GALNTL6: variants seen among roughly 807,000 people sequenced by gnomAD.
GALNTL6 encodes polypeptide N-acetylgalactosaminyltransferase like 6.
Under a neutral mutation model 73.7 loss-of-function variants are expected in GALNTL6, and 46 were observed. The ratio of observed to expected loss-of-function variants is 0.62; its 90% CI spans 0.49 to 0.80. GALNTL6 has a LOEUF of 0.80. GALNTL6 is among the 30% of genes least tolerant of loss of function. The pLI is 0.00. For synonymous variants in GALNTL6, 259 were observed against 263.7 expected (o/e 0.98, Z 0.17); for missense variants, 604 against 755.0 (o/e 0.80, Z 2.34).
intron 5 of GALNTL6, among the ~76,000 whole-genome samples, chr4:172,553,570 T>C (rs1022256941): frequency 3.3e-5 from 5 of 152,184 alleles, no homozygotes; most frequent in African/African-American, 1.2e-4. Context: ...CTGTTAGTAA[T>C]ATCATGTTCA....
chr4:172,304,696 A>AAGG (rs575865149), intron 3 of GALNTL6, among the ~76,000 whole-genome samples: 21 of 152,174 alleles, frequency 1.4e-4, no homozygotes, highest in Non-Finnish European at 2.9e-4. Flanking sequence ...CCCGGACATA[A>AAGG]ACCTACTTTA....
chr4:171,983,963 T>C (rs1232960186), intron 2 of GALNTL6, among the ~76,000 whole-genome samples: 1 of 152,138 alleles, frequency 6.6e-6, no homozygotes, highest in Non-Finnish European at 1.5e-5. Flanking sequence ...TCAGCACACA[T>C]ACTGGGAGGG....
intron 3 of GALNTL6, among the ~76,000 whole-genome samples, chr4:172,264,449 G>T (rs1738363338): frequency 7.1e-6 from 1 of 140,830 alleles, no homozygotes; most frequent in Non-Finnish European, 1.5e-5. Context: ...TTTTAAATAA[G>T]GTTGGCATAA....
chr4:172,172,468 A>T (rs139301335), intron 2 of GALNTL6, among the ~76,000 whole-genome samples: 3,412 of 152,226 alleles, frequency 0.022, 45 homozygotes, highest in Non-Finnish European at 0.032. Flanking sequence ...AAGTGCCGGG[A>T]TTATAGGCGT....
intron 3 of GALNTL6, among the ~76,000 whole-genome samples, chr4:172,300,606 A>C (rs1739875794): frequency 6.6e-6 from 1 of 151,982 alleles, no homozygotes; most frequent in Non-Finnish European, 1.5e-5. Flanking sequence ...TCTATAAAGG[A>C]TTTTATTTCT....
intron 5 of GALNTL6, among the ~76,000 whole-genome samples, chr4:172,745,446 T>C (rs369840596): frequency 7.6e-5 from 11 of 145,316 alleles, no homozygotes; most frequent in South Asian, 2.2e-4. Flanking sequence ...TATATATATG[T>C]ACACATAACT....
chr4:172,561,252 T>G (rs1242169595), intron 5 of GALNTL6, among the ~76,000 whole-genome samples: 1 of 81,076 alleles, frequency 1.2e-5, no homozygotes, highest in Non-Finnish European at 2.2e-5. Flanking sequence ...AGAGAGAGAC[T>G]CCGTCTCAAA....
intron 5 of GALNTL6, among the ~76,000 whole-genome samples, chr4:172,413,564 G>T (rs1744518835): frequency 6.6e-6 from 1 of 152,056 alleles, no homozygotes; most frequent in Admixed American, 6.6e-5. Flanking sequence ...CTGAGATTAG[G>T]CATAGGAATT....
At chr4:172,823,837 C>T (rs1460090552) in intron 7 of GALNTL6, among the ~76,000 whole-genome samples, 1 of 152,138 alleles carries the variant, frequency 6.6e-6, no homozygotes. Flanking sequence ...AAAACCACAA[C>T]CTAGGAGATA....
chr4:172,696,787 G>A (rs146871877), intron 5 of GALNTL6, among the ~76,000 whole-genome samples: 42 of 152,186 alleles, frequency 2.8e-4, no homozygotes, highest in African/African-American at 8.4e-4. Flanking sequence ...TATTAGCAGC[G>A]TGAGAACAGA....
intron 2 of GALNTL6, among the ~76,000 whole-genome samples, chr4:172,016,868 GTC>G (rs1741213456): frequency 6.6e-6 from 1 of 152,068 alleles, no homozygotes; most frequent in Admixed American, 6.6e-5. Flanking sequence ...GTTATAGAGA[GTC>G]TTTATGTGCT....
At chr4:172,557,521 T>C (rs998287435) in intron 5 of GALNTL6, among the ~76,000 whole-genome samples, 3 of 152,112 alleles carry the variant, frequency 2.0e-5, no homozygotes, top group Admixed American at 6.5e-5. Context: ...ATCCTGAATA[T>C]ATAAAGAATT....
chr4:172,294,300 T>A (rs1241985559), intron 3 of GALNTL6, among the ~76,000 whole-genome samples: 1 of 152,188 alleles, frequency 6.6e-6, no homozygotes, highest in East Asian at 1.9e-4. Context: ...AGCATCAACT[T>A]CTCATGCTTC....
chr4:171,917,731 T>C (rs916653426), intron 2 of GALNTL6, among the ~76,000 whole-genome samples: 2 of 152,270 alleles, frequency 1.3e-5, no homozygotes, highest in East Asian at 1.9e-4. Flanking sequence ...GCATGTTTTA[T>C]TTATTTATTG....
intron 11 of GALNTL6, among the ~76,000 whole-genome samples, chr4:173,018,358 G>T (rs1160051176): frequency 6.6e-6 from 1 of 152,154 alleles, no homozygotes; most frequent in Admixed American, 6.5e-5. Context: ...ACTAAAAAGA[G>T]ATTCATTAAT....
At chr4:172,699,783 C>A (rs1347700) in intron 5 of GALNTL6, among the ~76,000 whole-genome samples, 64,969 of 151,670 alleles carry the variant, frequency 0.43, 16,117 homozygotes, top group East Asian at 0.69. Flanking sequence ...TGCTTTGGGC[C>A]AGTGGTGAAA....
intron 5 of GALNTL6, among the ~76,000 whole-genome samples, chr4:172,775,376 A>T (rs1350980843): frequency 6.6e-6 from 1 of 152,216 alleles, no homozygotes; most frequent in African/African-American, 2.4e-5. Context: ...TCAAAAATGT[A>T]ACTGCACCAT....
chr4:172,993,158 T>A (rs746932737), intron 10 of GALNTL6, among the ~76,000 whole-genome samples: 1 of 152,146 alleles, frequency 6.6e-6, no homozygotes, highest in Non-Finnish European at 1.5e-5. Context: ...GAAGATAGGG[T>A]GTTTAGAAAG....
At chr4:172,436,849 A>G (rs1412226778) in intron 5 of GALNTL6, among the ~76,000 whole-genome samples, 1 of 152,002 alleles carries the variant, frequency 6.6e-6, no homozygotes, top group Non-Finnish European at 1.5e-5. Flanking sequence ...TATTTTTCTT[A>G]TGGTACAGGT....
Sources: gnomAD v4.1 joint callset for allele counts (sites outside exome capture counted in the v4.1 genomes callset) on GRCh38, gnomAD v4.1.1 for gene constraint, MANE v1.5 for transcripts, NCBI Gene and HGNC (gene_info 2026-07-23, HGNC 2026-07-21) for gene names.